Variants in PRKAG2 observed in about 807,000 individuals in gnomAD.
PRKAG2 encodes the protein 5'-AMP-activated protein kinase subunit gamma-2.
A neutral mutation model predicts 69.6 loss-of-function variants in PRKAG2; 26 were observed. That is an observed-to-expected ratio of 0.37 (90% CI 0.27 to 0.52). The LOEUF is 0.52. Among genes scored for constraint, PRKAG2 ranks in the 20% least tolerant of loss-of-function variants. The probability of loss-of-function intolerance (pLI) is 0.90; values close to 1 mark genes in which losing one functional copy is unlikely to be tolerated. For synonymous variants in PRKAG2, 293 were observed against 285.0 expected (o/e 1.03, Z -0.28); for missense variants, 557 against 740.0 (o/e 0.75, Z 2.87).
chr7:151,716,710 G>C (rs894330414), intron 3 of PRKAG2, among the ~76,000 whole-genome samples: 1 of 152,158 alleles, frequency 6.6e-6, no homozygotes, highest in African/African-American at 2.4e-5. Flanking sequence ...GCAAAGAACG[G>C]GGACCAGTGA....
intron 6 of PRKAG2, among the ~76,000 whole-genome samples, chr7:151,587,089 C>A (rs561673052): frequency 2.6e-5 from 4 of 152,134 alleles, no homozygotes; most frequent in Non-Finnish European, 2.9e-5. Flanking sequence ...TCAAGTGAGC[C>A]GAGATTGCGC....
intron 10 of PRKAG2, among the ~76,000 whole-genome samples, chr7:151,569,632 C>T (rs1429453791): frequency 2.0e-5 from 3 of 152,218 alleles, no homozygotes; most frequent in Non-Finnish European, 2.9e-5. Flanking sequence ...ATATTTTAAT[C>T]TTTCTCTGTA....
At chr7:151,653,105 G>GA (rs1828814930) in intron 4 of PRKAG2, among the ~76,000 whole-genome samples, 2 of 148,690 alleles carry the variant, frequency 1.3e-5, no homozygotes, top group Non-Finnish European at 2.9e-5. Flanking sequence ...GGTATCAACA[G>GA]AAAAAACTTT....
At chr7:151,633,438 C>T (rs1024505141) in intron 4 of PRKAG2, among the ~76,000 whole-genome samples, 3 of 151,680 alleles carry the variant, frequency 2.0e-5, no homozygotes, top group Non-Finnish European at 4.4e-5. Context: ...GGAAAGAAAA[C>T]GCATACAGAT....
intron 5 of PRKAG2, among the ~76,000 whole-genome samples, chr7:151,623,424 CT>C (rs1430826025): frequency 2.1e-5 from 3 of 140,788 alleles, no homozygotes; most frequent in African/African-American, 7.8e-5. Context: ...AGATCCCTTG[CT>C]TGTGCAGTTC....
chr7:151,714,422 G>C (rs1795822440), intron 3 of PRKAG2, among the ~76,000 whole-genome samples: 1 of 144,790 alleles, frequency 6.9e-6, no homozygotes, highest in Non-Finnish European at 1.5e-5. Flanking sequence ...GGGCTTCCCG[G>C]AGAGCCGTCC....
At chr7:151,579,612 GAGC>G in intron 6 of PRKAG2, among the ~76,000 whole-genome samples, 1 of 152,274 alleles carries the variant, frequency 6.6e-6, no homozygotes, top group African/African-American at 2.4e-5. Context: ...GCTATGCATT[GAGC>G]ATCACATTCA....
chr7:151,641,459 G>A (rs1256511059), intron 4 of PRKAG2, among the ~76,000 whole-genome samples: 1 of 151,874 alleles, frequency 6.6e-6, no homozygotes, highest in Non-Finnish European at 1.5e-5. Context: ...TGTTGGCCAG[G>A]CTGGTCTGAA....
chr7:151,847,684 G>A (rs960161520), intron 1 of PRKAG2, among the ~76,000 whole-genome samples: 24 of 152,232 alleles, frequency 1.6e-4, no homozygotes, highest in Admixed American at 1.4e-3. Context: ...GACAAGCTCC[G>A]CTGGGGCTGC....
intron 1 of PRKAG2, among the ~76,000 whole-genome samples, chr7:151,872,355 CTG>C (rs1377826969): frequency 6.6e-6 from 1 of 152,238 alleles, no homozygotes; most frequent in East Asian, 1.9e-4. Context: ...TCACTCCACT[CTG>C]TACACTTTTC....
At chr7:151,691,483 G>GT (rs1270965227) in intron 3 of PRKAG2, among the ~76,000 whole-genome samples, 9 of 76,326 alleles carry the variant, frequency 1.2e-4, no homozygotes, top group Non-Finnish European at 1.5e-4. Flanking sequence ...AAAAAACTCA[G>GT]TAAAAAAAAA....
At chr7:151,565,584 T>A (rs1806056726) in intron 12 of PRKAG2, 136 bp downstream of exon 12, 3 of 1,232,822 alleles carry the variant, frequency 2.4e-6, no homozygotes, top group Non-Finnish European at 3.5e-6. Flanking sequence ...CGATCCTGCG[T>A]GCCCCTTGGT....
rs562043489 is a variant in PRKAG2, at chr7:151,696,272, G to A, written c.467-20635C>T. 2.7e-3 allele frequency among the ~76,000 whole-genome samples: 418 copies of A among 152,316 alleles called. 2 individuals carry two copies. Among genetic ancestry groups the A allele is most frequent in the African/African-American group, 9.7e-3 (402 of 41,584 alleles). On this transcript the variant is annotated intron_variant, in intron 3 of 15. Transcript: ENST00000287878. ...TTTCAGAGGAAAACGTGGCGCGCCC[G>A]GGGCCTTCTCACAGCCATCGTGCAG...
At chr7:151,831,520 G>A (rs1339951142) in intron 1 of PRKAG2, among the ~76,000 whole-genome samples, 1 of 152,222 alleles carries the variant, frequency 6.6e-6, no homozygotes, top group East Asian at 1.9e-4. Flanking sequence ...ATTCTCCCAA[G>A]AGGTGGCCCA....
intron 3 of PRKAG2, chr7:151,736,060 C>T: frequency 6.5e-7 from 1 of 1,533,014 alleles, no homozygotes; most frequent in East Asian, 2.4e-5. Context: ...GGTGTCAGCC[C>T]CAGGTGGCCG....
intron 3 of PRKAG2, among the ~76,000 whole-genome samples, chr7:151,766,984 C>A (rs2075766813): frequency 6.6e-6 from 1 of 152,152 alleles, no homozygotes; most frequent in South Asian, 2.1e-4. Flanking sequence ...GAAGTAGGGT[C>A]ATTGAAGATG....
intron 3 of PRKAG2, among the ~76,000 whole-genome samples, chr7:151,679,650 C>G (rs915269365): frequency 4.6e-5 from 7 of 152,180 alleles, no homozygotes; most frequent in Non-Finnish European, 1.0e-4. Flanking sequence ...TGCAGAGAAA[C>G]CCCTCTGGGG....
Position 151,619,579 on chromosome 7 carries a change from G to C in PRKAG2, c.754+12490C>G, listed in dbSNP as rs551682136. Among the ~76,000 whole-genome samples, 6 of 152,206 alleles carry C rather than the reference G, an allele frequency of 3.9e-5. No individual in the cohort carries two copies. In the South Asian group the frequency reaches 8.3e-4, roughly 21 times the overall value. ...TCAATCTGTACAAACTTTGTTTCATGCACAAAGTTATTAAAAAATTGTATA... is the reference window on the plus strand; with the variant it reads ...TCAATCTGTACAAACTTTGTTTCATCCACAAAGTTATTAAAAAATTGTATA... On this transcript the variant is annotated intron_variant, in intron 5 of 15. Coordinates refer to ENST00000287878, the MANE Select transcript of PRKAG2 (RefSeq NM_016203.4).
chr7:151,852,423 G>C (rs1422391500), intron 1 of PRKAG2, among the ~76,000 whole-genome samples: 1 of 152,018 alleles, frequency 6.6e-6, no homozygotes, highest in Non-Finnish European at 1.5e-5. Context: ...TGAACCCAGG[G>C]GGTGGAGGTT....
Sources: gnomAD v4.1 joint callset for allele counts (sites outside exome capture counted in the v4.1 genomes callset) on GRCh38, gnomAD v4.1.1 for gene constraint, MANE v1.5 for transcripts, NCBI Gene and HGNC (gene_info 2026-07-23, HGNC 2026-07-21) for gene names.